The following MED12L variants were observed in gnomAD, a reference collection of about 807,000 sequenced individuals.
The protein encoded by MED12L is mediator of RNA polymerase II transcription subunit 12-like protein.
MED12L carries 60 observed loss-of-function variants against 281.3 expected under a neutral mutation model. The ratio of observed to expected loss-of-function variants is 0.21; its 90% CI spans 0.17 to 0.26. MED12L has a LOEUF of 0.26. Among genes scored for constraint, MED12L ranks in the 10% least tolerant of loss-of-function variants. The pLI, the probability that MED12L is intolerant of heterozygous loss-of-function variation, is 1.00. For missense variants in MED12L, 2,146 were observed against 2,680.9 expected (o/e 0.80, Z 4.41); for synonymous variants, 974 against 987.2 (o/e 0.99, Z 0.25).
intron 7 of MED12L, among the ~76,000 whole-genome samples, chr3:151,159,513 A>G (rs1719719046): frequency 6.6e-6 from 1 of 152,236 alleles, no homozygotes; most frequent in Non-Finnish European, 1.5e-5. Flanking sequence ...AATGCACACC[A>G]GATTTCAGAC....
chr3:151,292,641 C>T (rs551110078), intron 16 of MED12L, among the ~76,000 whole-genome samples: 8 of 151,306 alleles, frequency 5.3e-5, no homozygotes, highest in East Asian at 2.0e-4. Flanking sequence ...GGCACGATCT[C>T]GGCTCACTGC....
chr3:151,353,916 C>T (rs369373041), intron 17 of MED12L, among the ~76,000 whole-genome samples: 2 of 151,694 alleles, frequency 1.3e-5, no homozygotes, highest in African/African-American at 4.8e-5. Context: ...CCGAGGCGGG[C>T]GGATCACGAG....
At chr3:151,247,727 A>G (rs1458515494) in intron 16 of MED12L, among the ~76,000 whole-genome samples, 1 of 149,470 alleles carries the variant, frequency 6.7e-6, no homozygotes, top group Non-Finnish European at 1.5e-5. Context: ...TAACCTGCAC[A>G]ATGTGCACAT....
chr3:151,128,337 C>G (rs1166619038), intron 5 of MED12L, among the ~76,000 whole-genome samples: 1 of 152,238 alleles, frequency 6.6e-6, no homozygotes, highest in Non-Finnish European at 1.5e-5. Flanking sequence ...ATTGTATTCT[C>G]TGCATAACTA....
intron 16 of MED12L, among the ~76,000 whole-genome samples, chr3:151,284,551 T>G (rs1743215891): frequency 6.6e-6 from 1 of 152,212 alleles, no homozygotes; most frequent in South Asian, 2.1e-4. Context: ...GTGGACCTGT[T>G]AGTTTAATCA....
chr3:151,131,887 T>C (rs1043501157), intron 5 of MED12L, among the ~76,000 whole-genome samples: 2 of 152,208 alleles, frequency 1.3e-5, no homozygotes, highest in African/African-American at 4.8e-5. Context: ...GTTAAAACTT[T>C]TATTTTTTGC....
At chr3:151,262,770 GT>G (rs1739141184) in intron 16 of MED12L, among the ~76,000 whole-genome samples, 1 of 151,950 alleles carries the variant, frequency 6.6e-6, no homozygotes, top group Admixed American at 6.6e-5. Context: ...GACTTACTGA[GT>G]TTTTATTGTA....
intron 43 of MED12L, among the ~76,000 whole-genome samples, chr3:151,422,380 C>G (rs1388435547): frequency 6.6e-6 from 1 of 152,176 alleles, no homozygotes; most frequent in Non-Finnish European, 1.5e-5. Context: ...CCTCTGAGGG[C>G]TGTGAGAGAG....
rs146636834 is a variant in MED12L at position 151,323,565 on chromosome 3, G to A, written c.2251-26494G>A. 3.6e-3 allele frequency among the ~76,000 whole-genome samples: 547 copies of A among 152,238 alleles called. 4 individuals carry two copies. Among genetic ancestry groups the A allele is most frequent in the African/African-American group, 0.013 (529 of 41,548 alleles). On this transcript the variant is annotated intron_variant, in intron 16 of 44. Transcript: ENST00000687756. ...CTGCCTTGAAACTGCTTATTGTGCC[G>A]CAGGGTTCCCTTTTGAATGCTCTGT...
chr3:151,413,346 A>G, intron 42 of MED12L, 51 bp downstream of exon 42: 1 of 1,558,018 alleles, frequency 6.4e-7, no homozygotes. Flanking sequence ...GACAGTGCAA[A>G]TATGCAACAG....
intron 5 of MED12L, among the ~76,000 whole-genome samples, chr3:151,146,908 ACT>A (rs1486233368): frequency 1.3e-5 from 2 of 151,688 alleles, no homozygotes; most frequent in Non-Finnish European, 2.9e-5. Context: ...CAGTGGTCTG[ACT>A]CTGCTGGTCT....
intron 16 of MED12L, among the ~76,000 whole-genome samples, chr3:151,301,089 T>A (rs1252302014): frequency 6.6e-6 from 1 of 152,156 alleles, no homozygotes; most frequent in Non-Finnish European, 1.5e-5. Flanking sequence ...AGTCAGAAAG[T>A]GTTTTTTTGG....
intron 16 of MED12L, chr3:151,294,672 A>T (rs1222496273): frequency 6.2e-7 from 1 of 1,614,200 alleles, no homozygotes. Context: ...AGTTTTGAGC[A>T]GTCATGGATA....
At chr3:151,302,811 T>G (rs1416377865) in intron 16 of MED12L, among the ~76,000 whole-genome samples, 1 of 152,190 alleles carries the variant, frequency 6.6e-6, no homozygotes, top group Non-Finnish European at 1.5e-5. Flanking sequence ...CTGCTCATAT[T>G]TCAGGCCCTG....
chr3:151,117,787 T>G (rs1713068434), intron 3 of MED12L, among the ~76,000 whole-genome samples: 1 of 151,914 alleles, frequency 6.6e-6, no homozygotes, highest in Non-Finnish European at 1.5e-5. Context: ...TTCTGTGTGT[T>G]TATCTTATCA....
At chr3:151,373,335 A>T (rs548982749) in intron 27 of MED12L, among the ~76,000 whole-genome samples, 2 of 152,142 alleles carry the variant, frequency 1.3e-5, no homozygotes, top group Admixed American at 6.6e-5. Flanking sequence ...CTCAAGGGTG[A>T]TGTTAATTTT....
chr3:151,284,966 C>T lies in MED12L; in HGVS notation c.2251-65093C>T, dbSNP rs541714765. ...TTAAGGAACAGCTGTGCTGGTTACC[C>T]TTGTCTAATTCTCAGTGGTCATGAG... On this transcript the variant is annotated intron_variant, in intron 16 of 44. Coordinates refer to ENST00000687756, the MANE Select transcript of MED12L (RefSeq NM_001393769.1). 3.3e-5 allele frequency among the ~76,000 whole-genome samples: 5 copies of T among 152,160 alleles called. No homozygotes were observed. The South Asian group carries it at 1.0e-3, about 32-fold the overall frequency.
At chr3:151,220,907 G>C (rs972809319) in intron 16 of MED12L, among the ~76,000 whole-genome samples, 3 of 152,220 alleles carry the variant, frequency 2.0e-5, no homozygotes, top group Non-Finnish European at 4.4e-5. Flanking sequence ...GCAGAGATTG[G>C]AACAGTTTGG....
At chr3:151,217,864 T>C (rs1728548284) in intron 16 of MED12L, among the ~76,000 whole-genome samples, 1 of 152,206 alleles carries the variant, frequency 6.6e-6, no homozygotes, top group Non-Finnish European at 1.5e-5. Context: ...GGCAGCCTTT[T>C]CTGTAGGGCA....
Sources: gnomAD v4.1 joint callset for allele counts (sites outside exome capture counted in the v4.1 genomes callset) on GRCh38, gnomAD v4.1.1 for gene constraint, MANE v1.5 for transcripts, NCBI Gene and HGNC (gene_info 2026-07-23, HGNC 2026-07-21) for gene names.